Variants in ARK2C observed in about 807,000 individuals in gnomAD.
The protein encoded by ARK2C is E3 ubiquitin-protein ligase ARK2C.
chr18:46,381,021 T>C, the ARK2C span, among the ~76,000 whole-genome samples: 44 of 152,218 alleles, frequency 2.9e-4, no homozygotes, highest in Admixed American at 2.9e-3. Flanking sequence ...CCTCATGTCC[T>C]CTGGCCATGT....
the ARK2C span, among the ~76,000 whole-genome samples, chr18:46,436,175 C>T: frequency 0.12 from 17,749 of 152,024 alleles, 1,146 homozygotes; most frequent in African/African-American, 0.17. Flanking sequence ...ACTGAATATT[C>T]AGAGGTAAAA....
At chr18:46,451,784 A>G in the ARK2C span, among the ~76,000 whole-genome samples, 3 of 152,240 alleles carry the variant, frequency 2.0e-5, no homozygotes, top group Admixed American at 6.5e-5. Context: ...TAGCCTGGAC[A>G]ACAGAGCAAG....
chr18:46,375,149 G>T, the ARK2C span, among the ~76,000 whole-genome samples: 1 of 151,968 alleles, frequency 6.6e-6, no homozygotes, highest in Non-Finnish European at 1.5e-5. Flanking sequence ...AACTCCCCCC[G>T]CCCTCAGAGG....
the ARK2C span, among the ~76,000 whole-genome samples, chr18:46,421,591 T>C: frequency 1.1e-4 from 16 of 152,238 alleles, no homozygotes; most frequent in African/African-American, 3.9e-4. Flanking sequence ...TCTTCTTGGA[T>C]GGATCATGCC....
At chr18:46,458,795 C>T in the ARK2C span, 2 of 152,236 alleles carry the variant, frequency 1.3e-5, no homozygotes, top group Non-Finnish European at 2.9e-5. Context: ...CTTTGAGGAG[C>T]TCACAATCTA....
the ARK2C span, among the ~76,000 whole-genome samples, chr18:46,363,801 C>A: frequency 6.6e-6 from 1 of 152,106 alleles, no homozygotes; most frequent in Non-Finnish European, 1.5e-5. Context: ...ACTTTCTGAG[C>A]AGAATTGAGG....
chr18:46,422,363 G>A, the ARK2C span, among the ~76,000 whole-genome samples: 1 of 152,192 alleles, frequency 6.6e-6, no homozygotes. Context: ...ATTTCTCCCA[G>A]GCTAGAAAAG....
the ARK2C span, among the ~76,000 whole-genome samples, chr18:46,425,730 C>G: frequency 6.6e-6 from 1 of 152,182 alleles, no homozygotes; most frequent in African/African-American, 2.4e-5. Context: ...CTGACTGCAC[C>G]CAGTGTGTCC....
chr18:46,460,374 G>GA, the ARK2C span: 1,459 of 145,536 alleles, frequency 0.01, 12 homozygotes, highest in African/African-American at 0.025. Flanking sequence ...AAACAAAAAT[G>GA]AAAAAAAAAA....
the ARK2C span, among the ~76,000 whole-genome samples, chr18:46,370,550 G>T: frequency 6.6e-6 from 1 of 152,150 alleles, no homozygotes; most frequent in East Asian, 1.9e-4. Context: ...TCAGATTCAG[G>T]ATCCAAGAGT....
the ARK2C span, among the ~76,000 whole-genome samples, chr18:46,403,258 C>T: frequency 1.3e-5 from 2 of 152,188 alleles, no homozygotes; most frequent in Non-Finnish European, 2.9e-5. Flanking sequence ...TCTATTCTGA[C>T]CTGATAAGCA....
chr18:46,366,292 C>CAAAAA, the ARK2C span, among the ~76,000 whole-genome samples: 29 of 54,504 alleles, frequency 5.3e-4, no homozygotes, highest in Admixed American at 9.5e-4. Context: ...AACTCTGGCT[C>CAAAAA]AAAAAAAAAA....
the ARK2C span, among the ~76,000 whole-genome samples, chr18:46,412,505 C>T: frequency 8.5e-5 from 13 of 152,252 alleles, no homozygotes; most frequent in Admixed American, 8.5e-4. Flanking sequence ...GGAGATGAGC[C>T]TCATACTGAG....
the ARK2C span, among the ~76,000 whole-genome samples, chr18:46,423,978 T>C: frequency 6.6e-6 from 1 of 152,216 alleles, no homozygotes; most frequent in African/African-American, 2.4e-5. Context: ...TATCCTCCTG[T>C]CTCAGAATAT....
At chr18:46,366,054 A>T in the ARK2C span, among the ~76,000 whole-genome samples, 1 of 152,050 alleles carries the variant, frequency 6.6e-6, no homozygotes, top group Non-Finnish European at 1.5e-5. Context: ...GCACTTTGGG[A>T]GGCCAAGGAG....
chr18:46,394,035 A>G, the ARK2C span, among the ~76,000 whole-genome samples: 3 of 152,266 alleles, frequency 2.0e-5, no homozygotes, highest in South Asian at 2.1e-4. Flanking sequence ...GGTAACCCCA[A>G]CCTTCCCTGT....
the ARK2C span, among the ~76,000 whole-genome samples, chr18:46,432,838 G>C: frequency 6.6e-5 from 10 of 152,296 alleles, no homozygotes; most frequent in South Asian, 1.9e-3. Context: ...CCAGCTACTC[G>C]GGAGGCTGAG....
chr18:46,337,185 C>T, the ARK2C span: 1 of 985,118 alleles, frequency 1.0e-6, no homozygotes, highest in Non-Finnish European at 1.2e-6. Context: ...AAATAGCCTC[C>T]CCAGACTGCC....
chr18:46,361,913 A>G, the ARK2C span, among the ~76,000 whole-genome samples: 2 of 152,248 alleles, frequency 1.3e-5, no homozygotes, highest in African/African-American at 4.8e-5. Context: ...TGATCCTATT[A>G]TCTACTTCAT....
Sources: gnomAD v4.1 joint callset for allele counts (sites outside exome capture counted in the v4.1 genomes callset) on GRCh38, gnomAD v4.1.1 for gene constraint, MANE v1.5 for transcripts, NCBI Gene and HGNC (gene_info 2026-07-23, HGNC 2026-07-21) for gene names.